LEO1: variants seen among roughly 807,000 people sequenced by gnomAD.
LEO1 encodes LEO1 component of Paf1/RNA polymerase II complex.
A neutral mutation model predicts 80.4 loss-of-function variants in LEO1; 34 were observed. The ratio of observed to expected loss-of-function variants is 0.42; its 90% CI spans 0.32 to 0.56. The LOEUF is 0.56. Ranked by LOEUF, LEO1 falls within the 20% of genes least tolerant of loss-of-function variation. The probability of loss-of-function intolerance (pLI) is 0.10; values close to 1 mark genes in which losing one functional copy is unlikely to be tolerated. For missense variants in LEO1, 631 were observed against 814.2 expected (o/e 0.77, Z 2.74); for synonymous variants, 262 against 274.9 (o/e 0.95, Z 0.46).
intron 11 of LEO1, among the ~76,000 whole-genome samples, chr15:51,942,542 C>G (rs2056861945): frequency 6.6e-6 from 1 of 152,208 alleles, no homozygotes; most frequent in Non-Finnish European, 1.5e-5. Flanking sequence ...TAGATGAGGA[C>G]TCACATTTGC....
intron 11 of LEO1, among the ~76,000 whole-genome samples, chr15:51,939,471 G>A (rs1169210365): frequency 1.3e-5 from 2 of 152,136 alleles, no homozygotes; most frequent in East Asian, 1.9e-4. Context: ...CCACAGTAAG[G>A]TATTTAGAGA....
intron 5 of LEO1, 48 bp downstream of exon 5, chr15:51,959,851 A>G (rs1226929929): frequency 2.0e-6 from 3 of 1,474,408 alleles, no homozygotes; most frequent in East Asian, 2.4e-5. Context: ...TAAACATTCT[A>G]TGTATTTCTA....
chr15:51,938,533 G>A (rs187973260), intron 11 of LEO1, among the ~76,000 whole-genome samples: 79 of 152,262 alleles, frequency 5.2e-4, no homozygotes, highest in Non-Finnish European at 7.2e-4. Context: ...TCTAACCACT[G>A]GTCCTGTCAG....
chr15:51,969,561 G>A (rs1371785756), intron 1 of LEO1, among the ~76,000 whole-genome samples: 1 of 151,730 alleles, frequency 6.6e-6, no homozygotes, highest in Non-Finnish European at 1.5e-5. Context: ...CTTGAACCCA[G>A]GAGGCAAAGG....
At chr15:51,959,400 G>A (rs1243658241) in intron 5 of LEO1, among the ~76,000 whole-genome samples, 1 of 152,112 alleles carries the variant, frequency 6.6e-6, no homozygotes, top group Admixed American at 6.6e-5. Flanking sequence ...TTCTTCTTAT[G>A]TAACTCTGCC....
At chr15:51,949,487 G>C (rs1418214605) in intron 10 of LEO1, among the ~76,000 whole-genome samples, 1 of 152,122 alleles carries the variant, frequency 6.6e-6, no homozygotes, top group Non-Finnish European at 1.5e-5. Context: ...ATCACTTGAG[G>C]TCAGGAGTTT....
intron 7 of LEO1, among the ~76,000 whole-genome samples, chr15:51,953,662 G>A (rs2056966228): frequency 6.6e-6 from 1 of 151,830 alleles, no homozygotes; most frequent in Non-Finnish European, 1.5e-5. Context: ...TTCAACTGCT[G>A]CTCTCTCTTT....
chr15:51,942,316 T>C (rs1595928899), intron 11 of LEO1, among the ~76,000 whole-genome samples: 1 of 152,086 alleles, frequency 6.6e-6, no homozygotes, highest in African/African-American at 2.4e-5. Flanking sequence ...TAGAGGATGG[T>C]TCCTGTAACA....
intron 4 of LEO1, 60 bp from the exon 5 acceptor site, chr15:51,960,104 C>G: frequency 2.2e-6 from 3 of 1,349,610 alleles, no homozygotes; most frequent in Non-Finnish European, 3.1e-6. Context: ...TTCCTTCAAC[C>G]TCCACACTTT....
Position 51,965,902 on chromosome 15 carries a change from C to G in LEO1, c.661G>C (p.Asp221His). Reference protein sequence around the residue: ...NSDDERPVASDNDDEKQNSDD... With the variant: ...NSDDERPVASHNDDEKQNSDD... ...GAATTCTGTTTCTCATCATCATTAT[C>G]AGAAGCTACCGGCCGTTCATCATCA... Residue 221 changes from aspartate (D) to histidine (H), a missense_variant, in exon 2 of 12, where the codon GAT becomes CAT. This residue lies in a region of LEO1 where 394 missense variants were observed against 395.6 expected (regional missense o/e 1.00). Coordinates refer to ENST00000299601, the MANE Select transcript of LEO1 (RefSeq NM_138792.4). 1 of 1,614,084 alleles carries G rather than the reference C, an allele frequency of 6.2e-7. No individual in the cohort carries two copies. The highest frequency in any genetic ancestry group is 1.1e-5 in the South Asian group (1 of 91,068).
chr15:51,966,051 G>A lies in LEO1; in HGVS notation c.512C>T (p.Ser171Phe). The change falls in exon 2 of 12, where the codon TCT (serine) becomes TTT (phenylalanine). Residue 171 changes from serine (S) to phenylalanine (F), a missense_variant. Physicochemically the swap from Ser to Phe is radical, Grantham distance 155. This residue lies in a region of LEO1 where 394 missense variants were observed against 395.6 expected (regional missense o/e 1.00). Transcript: ENST00000299601. The part of the protein sequence containing the change: ...NSDDEERAQG[S>F]DEDKLQNSDD... ...AGAATTCTGCAGCTTATCTTCATCA[G>A]ATCCTTGTGCCCTCTCCTCATCATC... The A allele has an allele frequency of 6.2e-7, 1 of 1,613,944 alleles. No homozygotes were observed. Among genetic ancestry groups the A allele is most frequent in the Non-Finnish European group, 8.5e-7 (1 of 1,180,020 alleles).
intron 11 of LEO1, among the ~76,000 whole-genome samples, chr15:51,938,484 C>T (rs938436368): frequency 3.9e-5 from 6 of 152,200 alleles, no homozygotes; most frequent in Admixed American, 3.3e-4. Context: ...CAGGATTTGC[C>T]ACAGAAGGGG....
At position 51,966,622 on chromosome 15, in the gene LEO1, A is replaced by G; in HGVS notation, c.59-118T>C. 2.0e-5 allele frequency: 13 copies of G among 647,278 alleles called. No homozygotes were observed. The South Asian group carries it at 2.3e-4, about 12-fold the overall frequency. 40.1% of individuals were successfully genotyped at this position (647,278 alleles called of 1,614,324 possible). On this transcript the variant is annotated intron_variant, in intron 1 of 11. Transcript: ENST00000299601. ...ACTGGCAAAAACTGTTAGAATTAAC[A>G]TTCTAAGGCCGGGTGCAGTGGCTCA...
intron 2 of LEO1, 56 bp downstream of exon 2, chr15:51,965,693 C>G: frequency 1.3e-6 from 2 of 1,534,490 alleles, no homozygotes; most frequent in South Asian, 2.6e-5. Flanking sequence ...TAAATGGGTC[C>G]CTGCTGTATC....
Position 51,971,688 on chromosome 15 carries a change from C to G in LEO1, c.58G>C (p.Asp20His), listed in dbSNP as rs2057124886. ...ATCCTCCGAAGACCAGCGAACCCAC[C>G]TTTACGCTCAGCTTCGCTGTCGGCG... ...SDADSEAERK[D>H]SDSGSDSDSD... Residue 20 changes from aspartate to histidine, a missense_variant and splice_region_variant, in exon 1 of 12, where the codon GAT (aspartate) becomes CAT (histidine). This residue lies in a region of LEO1 where 394 missense variants were observed against 395.6 expected (regional missense o/e 1.00). Coordinates refer to ENST00000299601, the MANE Select transcript of LEO1 (RefSeq NM_138792.4). The G allele has an allele frequency of 6.2e-7, 1 of 1,614,142 alleles. No homozygotes were observed. Among genetic ancestry groups the G allele is most frequent in the African/African-American group, 1.3e-5 (1 of 75,076 alleles).
chr15:51,949,943 G>C lies in LEO1; in HGVS notation c.1663C>G (p.Arg555Gly), dbSNP rs774535800. 1 of 1,613,882 alleles carries C rather than the reference G, an allele frequency of 6.2e-7. No homozygotes were observed. The highest frequency in any genetic ancestry group is 1.1e-5 in the South Asian group (1 of 91,050). Residue 555 changes from arginine (R) to glycine (G), a missense_variant, in exon 10 of 12, where the codon CGA (arginine) becomes GGA (glycine). Coordinates refer to ENST00000299601, the MANE Select transcript of LEO1 (RefSeq NM_138792.4). ...ASIRRESQQRRMREKQHQRGL... is the reference protein window; with the variant it reads ...ASIRRESQQRGMREKQHQRGL... ...CGCTGGTGCTGTTTCTCTCTCATTC[G>C]GCGCTGCTGAGATTCCCTACGTATG... is the stretch of plus-strand genomic sequence containing the variant.
intron 11 of LEO1, among the ~76,000 whole-genome samples, chr15:51,943,441 C>T (rs2056872723): frequency 6.6e-6 from 1 of 151,760 alleles, no homozygotes; most frequent in Non-Finnish European, 1.5e-5. Context: ...GTGGCTCACA[C>T]CTGTAATCCC....
intron 9 of LEO1, among the ~76,000 whole-genome samples, chr15:51,950,220 G>A (rs1486969313): frequency 6.6e-6 from 1 of 152,154 alleles, no homozygotes; most frequent in Non-Finnish European, 1.5e-5. Flanking sequence ...ACACTAACCG[G>A]CCCAACTGGC....
chr15:51,957,419 G>T (rs960454932), intron 6 of LEO1, among the ~76,000 whole-genome samples: 1 of 152,056 alleles, frequency 6.6e-6, no homozygotes, highest in African/African-American at 2.4e-5. Flanking sequence ...TAACAGATGG[G>T]CTAATAAACA....
Sources: allele counts gnomAD v4.1 joint callset (sites outside exome capture counted in the v4.1 genomes callset), GRCh38; gene constraint gnomAD v4.1.1; regional missense constraint gnomAD v4.1.1; transcripts MANE v1.5; gene names NCBI Gene and HGNC (gene_info 2026-07-23, HGNC 2026-07-21).